CFAP44: variants seen among roughly 807,000 people sequenced by gnomAD.
The protein encoded by CFAP44 is cilia- and flagella-associated protein 44.
Under a neutral mutation model 216.2 loss-of-function variants are expected in CFAP44, and 134 were observed. The observed-to-expected ratio is 0.62, with a 90% confidence interval of 0.54 to 0.72. The LOEUF is 0.72. CFAP44 is among the 30% of genes least tolerant of loss of function. The probability of loss-of-function intolerance (pLI) is 0.00; values close to 1 mark genes in which losing one functional copy is unlikely to be tolerated. For missense variants in CFAP44, 2,035 were observed against 2,182.1 expected, an observed-to-expected ratio of 0.93 and a Z score of 1.34; for synonymous variants, 700 against 727.6, an observed-to-expected ratio of 0.96 and a Z score of 0.61.
chr3:113,333,586 A>G lies in CFAP44; in HGVS notation c.3438-3T>C, dbSNP rs562006205. 6.6e-7 allele frequency: 1 copy of G among 1,510,694 alleles called. No homozygotes were observed. The highest frequency in any genetic ancestry group is 1.4e-5 in the African/African-American group (1 of 71,684). 93.6% of individuals were successfully genotyped at this position (1,510,694 alleles called of 1,614,324 possible). On this transcript the variant is annotated splice_region_variant and splice_polypyrimidine_tract_variant and intron_variant, in intron 24 of 34. Coordinates refer to ENST00000393845, the MANE Select transcript of CFAP44 (RefSeq NM_001164496.2). ...CATCACCAGGTTTACTCTTGTATCT[A>G]TTAGAAAAACAGACAACCCCCCCAC...
rs11915302 is a variant in CFAP44, at chr3:113,334,609, G to C, written c.3438-1026C>G. Among the ~76,000 whole-genome samples the C allele has an allele frequency of 7.2e-4, 109 of 152,204 alleles. 1 individual carries two copies. The highest frequency in any genetic ancestry group is 2.4e-3 in the African/African-American group (99 of 41,542). ...GAATGCTCCAAGCACAAAGAGGACAGGTATAGAGAGTGGAATGGAATGCTA... is the reference window on the plus strand; with the variant it reads ...GAATGCTCCAAGCACAAAGAGGACACGTATAGAGAGTGGAATGGAATGCTA... On this transcript the variant is annotated intron_variant, in intron 24 of 34. Transcript: ENST00000393845.
At chr3:113,440,982 G>A (rs1935347626) in intron 1 of CFAP44, among the ~76,000 whole-genome samples, 1 of 152,218 alleles carries the variant, frequency 6.6e-6, no homozygotes, top group Non-Finnish European at 1.5e-5. Flanking sequence ...TGTCATGCAT[G>A]TGCTAAGCAC....
intron 1 of CFAP44, among the ~76,000 whole-genome samples, chr3:113,440,360 CTATTAT>C (rs139273415): frequency 1.3e-5 from 2 of 152,102 alleles, no homozygotes; most frequent in South Asian, 2.1e-4. Context: ...CGCGCACAGC[CTATTAT>C]TATTATTTTT....
intron 28 of CFAP44, among the ~76,000 whole-genome samples, chr3:113,317,279 TTTGTGCATTGGGCAG>T (rs1950097234): frequency 6.6e-6 from 1 of 152,168 alleles, no homozygotes; most frequent in South Asian, 2.1e-4. Context: ...CCCGAGTGCC[TTTGTGCATTGGGCAG>T]CTCTGACAGA....
At chr3:113,303,770 G>A in intron 32 of CFAP44, 146 bp downstream of exon 32, 1 of 838,868 alleles carries the variant, frequency 1.2e-6, no homozygotes, top group South Asian at 1.9e-5. Flanking sequence ...GAAACGGTGA[G>A]TAGGAAGATG....
At chr3:113,316,801 G>A (rs559193035) in intron 28 of CFAP44, among the ~76,000 whole-genome samples, 8 of 151,538 alleles carry the variant, frequency 5.3e-5, no homozygotes, top group Non-Finnish European at 7.4e-5. Flanking sequence ...TCTGGGAGGC[G>A]GAGGTTGCAG....
At chr3:113,414,280 A>G (rs1316497632) in intron 6 of CFAP44, among the ~76,000 whole-genome samples, 1 of 152,126 alleles carries the variant, frequency 6.6e-6, no homozygotes, top group Non-Finnish European at 1.5e-5. Flanking sequence ...GGGGTTTTCT[A>G]AATATAAAGT....
chr3:113,358,244 G>T (rs976976274), intron 22 of CFAP44, among the ~76,000 whole-genome samples: 1 of 151,932 alleles, frequency 6.6e-6, no homozygotes, highest in Non-Finnish European at 1.5e-5. Flanking sequence ...AATCTGAGTA[G>T]TAGATATATT....
In CFAP44 at chr3:113,330,622, C is replaced by G; in HGVS notation, c.3662G>C (p.Arg1221Thr). ...CTCAACAACAGCCACTTTAAGGTCT[C>G]TAAGAGAGAGAATGCACTTGTTCAT... ...RHMNKCILSLRDLKVAVVEEI... is the reference protein window; with the variant it reads ...RHMNKCILSLTDLKVAVVEEI... Residue 1221 changes from arginine to threonine, a missense_variant, in exon 26 of 35, where the codon AGA becomes ACA. By Grantham distance (71) the Arg-to-Thr change is moderately conservative. Coordinates refer to ENST00000393845, the MANE Select transcript of CFAP44 (RefSeq NM_001164496.2). 6.5e-7 allele frequency: 1 copy of G among 1,536,444 alleles called. No homozygotes were observed. The highest frequency in any genetic ancestry group is 8.7e-7 in the Non-Finnish European group (1 of 1,146,718).
At chr3:113,427,395 T>A in intron 2 of CFAP44, 56 bp from the exon 3 acceptor site, 1 of 1,365,012 alleles carries the variant, frequency 7.3e-7, no homozygotes, top group South Asian at 1.4e-5. Flanking sequence ...TTCTTATTTC[T>A]AAAGTAGCTA....
intron 6 of CFAP44, among the ~76,000 whole-genome samples, chr3:113,410,538 C>T (rs771010702): frequency 1.3e-5 from 2 of 152,122 alleles, no homozygotes; most frequent in African/African-American, 4.8e-5. Flanking sequence ...TTCTTAATCC[C>T]GTCTATCATT....
At chr3:113,419,916 T>C in intron 5 of CFAP44, 101 bp downstream of exon 5, 1 of 1,222,802 alleles carries the variant, frequency 8.2e-7, no homozygotes, top group South Asian at 1.6e-5. Context: ...CCCACAATAC[T>C]GTGCATGGTG....
intron 5 of CFAP44, among the ~76,000 whole-genome samples, chr3:113,416,908 A>G (rs575402648): frequency 1.3e-5 from 2 of 152,310 alleles, no homozygotes; most frequent in East Asian, 1.9e-4. Flanking sequence ...TCTATCTTCA[A>G]TGTGCATCAG....
rs763736666 is a variant in CFAP44, at chr3:113,341,854, G to A, written c.3327C>T (p.Thr1109=). 2.6e-6 allele frequency: 4 copies of A among 1,531,742 alleles called. No homozygotes were observed. In the Admixed American group the frequency reaches 6.0e-5, roughly 23 times the overall value. The allele number at this position is 1,531,742 out of a possible 1,614,324, so 94.9% of individuals were successfully genotyped here. A position where few individuals can be genotyped will look rare whatever the true frequency, so the allele number is the denominator to read the frequency against. Residue 1109 remains threonine, a synonymous_variant, in exon 24 of 35, where the codon ACC becomes ACT. Transcript: ENST00000393845. ...GATTTTCCACGATGATTTCACTTAG[G>A]GTTTTAGGCCGAAATTTCTTCCCTT... The part of the protein sequence containing the change: ...IEKGKKFRPK[T]LSEIIVENQI...
At chr3:113,436,944 A>G (rs748550204) in intron 1 of CFAP44, among the ~76,000 whole-genome samples, 10 of 152,210 alleles carry the variant, frequency 6.6e-5, no homozygotes, top group Non-Finnish European at 1.0e-4. Flanking sequence ...TGACTCAGCT[A>G]GCTCTCTGCT....
At chr3:113,330,055 T>C (rs1029915127) in intron 26 of CFAP44, 113 bp downstream of exon 26, 17 of 1,323,592 alleles carry the variant, frequency 1.3e-5, no homozygotes, top group African/African-American at 3.0e-5. Context: ...CTGGTCAGGG[T>C]TTGGGAAAGG....
intron 23 of CFAP44, among the ~76,000 whole-genome samples, chr3:113,343,251 T>C (rs7622952): frequency 0.091 from 13,804 of 151,680 alleles, 830 homozygotes; most frequent in African/African-American, 0.16. Flanking sequence ...TTAGTAGAGA[T>C]GGGGTTTCAC....
intron 27 of CFAP44, among the ~76,000 whole-genome samples, chr3:113,327,228 C>T (rs1244705302): frequency 6.6e-6 from 1 of 152,086 alleles, no homozygotes; most frequent in Non-Finnish European, 1.5e-5. Context: ...AAGAAACTCA[C>T]CAGCTTCTTT....
chr3:113,296,808 AAAG>A lies in CFAP44; in HGVS notation c.5152_5154del (p.Leu1718del). The A allele has an allele frequency of 7.2e-6, 11 of 1,537,628 alleles. No homozygotes were observed. The highest frequency in any genetic ancestry group is 9.6e-6 in the Non-Finnish European group (11 of 1,146,998). On this transcript the variant is annotated inframe_deletion, in exon 33 of 35. Coordinates refer to ENST00000393845, the MANE Select transcript of CFAP44 (RefSeq NM_001164496.2). ...AGTTCTTCAAGTGTTGTATTAACAG[AAAG>A]CGTTTGAAGGGCTTCTAGATTTACC...
Sources: allele counts gnomAD v4.1 joint callset (sites outside exome capture counted in the v4.1 genomes callset), GRCh38; gene constraint gnomAD v4.1.1; transcripts MANE v1.5; gene names NCBI Gene and HGNC (gene_info 2026-07-23, HGNC 2026-07-21).